Variants in CDK15 observed in about 807,000 individuals in gnomAD.
The protein encoded by CDK15 is cyclin dependent kinase 15, also known as cyclin-dependent kinase 15.
CDK15 carries 62 observed loss-of-function variants against 60.3 expected under a neutral mutation model. The ratio of observed to expected loss-of-function variants is 1.03; its 90% CI spans 0.84 to 1.27. The LOEUF (loss-of-function observed/expected upper bound fraction) is 1.27. Among genes scored for constraint, CDK15 ranks in the 50% most tolerant of loss-of-function variants. CDK15 has a pLI of 0.00. For missense variants in CDK15, 541 were observed against 527.8 expected (o/e 1.03, Z -0.25); for synonymous variants, 194 against 195.7 (o/e 0.99, Z 0.07).
At chr2:201,854,720 T>A in intron 9 of CDK15, 154 bp from the exon 10 acceptor site, 1 of 627,800 alleles carries the variant, frequency 1.6e-6, no homozygotes, top group Admixed American at 2.8e-5. Flanking sequence ...ACACTCAAGT[T>A]TCTTTCTCGT....
chr2:201,807,983 G>C, intron 3 of CDK15, 31 bp downstream of exon 3: 1 of 1,567,906 alleles, frequency 6.4e-7, no homozygotes, highest in Non-Finnish European at 8.7e-7. Flanking sequence ...AGAGACTTTA[G>C]AGATGAGAGT....
At chr2:201,836,612 C>T (rs1024281358) in intron 8 of CDK15, among the ~76,000 whole-genome samples, 14 of 151,512 alleles carry the variant, frequency 9.2e-5, no homozygotes, top group Admixed American at 1.3e-4. Context: ...CTTTCTTTCA[C>T]GCCTTTCCTC....
chr2:201,831,262 T>C (rs778201923), intron 6 of CDK15, among the ~76,000 whole-genome samples: 1 of 152,048 alleles, frequency 6.6e-6, no homozygotes, highest in Admixed American at 6.6e-5. Context: ...CTATAAGGAG[T>C]TGGCTAACGG....
intron 9 of CDK15, among the ~76,000 whole-genome samples, chr2:201,847,937 C>G (rs1559133211): frequency 6.6e-6 from 1 of 152,088 alleles, no homozygotes; most frequent in Non-Finnish European, 1.5e-5. Context: ...TCGAGACCAG[C>G]CTGGGCAACA....
rs148524878 is a variant in CDK15, at chr2:201,834,648, G to C, written c.730+677G>C. 1.7e-3 allele frequency among the ~76,000 whole-genome samples: 254 copies of C among 152,258 alleles called. 1 individual carries two copies. Among genetic ancestry groups the C allele is most frequent in the African/African-American group, 5.8e-3 (239 of 41,550 alleles). On this transcript the variant is annotated intron_variant, in intron 7 of 13. Coordinates refer to ENST00000652192, the MANE Select transcript of CDK15 (RefSeq NM_001366386.2). ...CAACTGGACTGTAAGCATAATGAGG[G>C]CAGCCTGGGTTTGTTTTTGCTTATC...
chr2:201,812,173 CA>C (rs56808760), intron 3 of CDK15, among the ~76,000 whole-genome samples: 209 of 96,812 alleles, frequency 2.2e-3, no homozygotes, highest in South Asian at 0.015. Flanking sequence ...GATTCTGTCT[CA>C]AAAAAAAAAA....
intron 10 of CDK15, chr2:201,860,945 C>T: frequency 7.8e-7 from 1 of 1,274,188 alleles, no homozygotes; most frequent in Middle Eastern, 2.2e-4. Flanking sequence ...GCTTTGGGCT[C>T]AATGAGTTCT....
intron 10 of CDK15, among the ~76,000 whole-genome samples, chr2:201,855,885 G>A (rs1157188826): frequency 6.6e-6 from 1 of 150,808 alleles, no homozygotes; most frequent in Non-Finnish European, 1.5e-5. Context: ...GAGTGCAGTG[G>A]CACGATCTCG....
chr2:201,858,519 C>T (rs1286459018), intron 10 of CDK15, among the ~76,000 whole-genome samples: 1 of 151,952 alleles, frequency 6.6e-6, no homozygotes. Context: ...CTTCAAAGGG[C>T]CAGTTGTCTT....
At chr2:201,883,114 A>G (rs986453873) in intron 12 of CDK15, among the ~76,000 whole-genome samples, 1 of 152,200 alleles carries the variant, frequency 6.6e-6, no homozygotes, top group Non-Finnish European at 1.5e-5. Context: ...TATGCAAGAA[A>G]TTTTGCTCTC....
At chr2:201,869,201 A>G (rs886992313) in intron 10 of CDK15, among the ~76,000 whole-genome samples, 1 of 152,244 alleles carries the variant, frequency 6.6e-6, no homozygotes, top group Non-Finnish European at 1.5e-5. Context: ...ATGCAGCCAT[A>G]GAAAAGGATG....
rs141745305 is a variant in CDK15 at position 201,853,252 on chromosome 2, A to G, written c.946-1622A>G. On this transcript the variant is annotated intron_variant, in intron 9 of 13. Transcript: ENST00000652192. ...TCGGGCTCAGGGTGGTTGATAGGAA[A>G]AGCCTATAATCCTCTCAGTCACTTT... 8.5e-5 allele frequency among the ~76,000 whole-genome samples: 13 copies of G among 152,372 alleles called. No individual in the cohort carries two copies. The East Asian group carries it at 2.3e-3, about 27-fold the overall frequency.
chr2:201,823,355 T>C (rs1696315917), intron 5 of CDK15, among the ~76,000 whole-genome samples: 2 of 152,208 alleles, frequency 1.3e-5, no homozygotes, highest in African/African-American at 4.8e-5. Flanking sequence ...GTATGTGTAC[T>C]TGACTTGCCT....
intron 10 of CDK15, among the ~76,000 whole-genome samples, chr2:201,856,052 T>G (rs1698133475): frequency 6.6e-6 from 1 of 152,142 alleles, no homozygotes; most frequent in Non-Finnish European, 1.5e-5. Context: ...GGTCTCGAAC[T>G]CCTGACCTCA....
chr2:201,817,160 GT>G (rs1387955605), intron 4 of CDK15, among the ~76,000 whole-genome samples: 1 of 152,176 alleles, frequency 6.6e-6, no homozygotes, highest in African/African-American at 2.4e-5. Context: ...CTAAGCCCCA[GT>G]TTTGGGACTT....
At chr2:201,824,656 A>T in intron 6 of CDK15, 2 of 333,546 alleles carry the variant, frequency 6.0e-6, no homozygotes, top group Non-Finnish European at 5.6e-6. Context: ...AACAAAAATT[A>T]ATATGAGTAG....
chr2:201,810,498 A>G (rs1695708667), intron 3 of CDK15, among the ~76,000 whole-genome samples: 1 of 152,340 alleles, frequency 6.6e-6, no homozygotes, highest in East Asian at 1.9e-4. Context: ...AACCAAAAAA[A>G]GTGGTATTAA....
At chr2:201,888,001 A>G (rs1308182638) in intron 12 of CDK15, among the ~76,000 whole-genome samples, 1 of 151,834 alleles carries the variant, frequency 6.6e-6, no homozygotes, top group African/African-American at 2.4e-5. Flanking sequence ...GAAGATTACA[A>G]GACATTTTGA....
chr2:201,861,452 G>A (rs1698387181), intron 10 of CDK15: 1 of 984,612 alleles, frequency 1.0e-6, no homozygotes, highest in South Asian at 4.7e-5. Context: ...TTTGCAGGAT[G>A]AGTCTGAAAA....
Sources: gnomAD v4.1 joint callset for allele counts (sites outside exome capture counted in the v4.1 genomes callset) on GRCh38, gnomAD v4.1.1 for gene constraint, MANE v1.5 for transcripts, NCBI Gene and HGNC (gene_info 2026-07-23, HGNC 2026-07-21) for gene names.